The following DIRAS2 variants were observed in gnomAD, a reference collection of about 807,000 sequenced individuals.
DIRAS2 encodes DIRAS family GTPase 2.
Under a neutral mutation model 13.9 loss-of-function variants are expected in DIRAS2, and 5 were observed. The ratio of observed to expected loss-of-function variants is 0.36; its 90% CI spans 0.19 to 0.76. The LOEUF is 0.76. DIRAS2 is among the 30% of genes least tolerant of loss of function. The pLI, the probability that DIRAS2 is intolerant of heterozygous loss-of-function variation, is 0.53. For synonymous variants in DIRAS2, 111 were observed against 105.4 expected, an observed-to-expected ratio of 1.05 and a Z score of -0.33; for missense variants, 191 against 263.0, an observed-to-expected ratio of 0.73 and a Z score of 1.89.
chr9:90,623,492 C>T (rs1188225668), intron 1 of DIRAS2, among the ~76,000 whole-genome samples: 3 of 152,104 alleles, frequency 2.0e-5, no homozygotes, highest in Admixed American at 6.5e-5. Flanking sequence ...AAATCCATCC[C>T]AAAGTGCATA....
intron 1 of DIRAS2, among the ~76,000 whole-genome samples, chr9:90,642,397 C>T (rs372747153): frequency 1.4e-3 from 217 of 152,314 alleles, no homozygotes; most frequent in African/African-American, 4.9e-3. Flanking sequence ...TCACTTTAGA[C>T]CACATCTTCT....
At chr9:90,620,494 T>C (rs554686513) in intron 1 of DIRAS2, among the ~76,000 whole-genome samples, 1 of 152,200 alleles carries the variant, frequency 6.6e-6, no homozygotes, top group Non-Finnish European at 1.5e-5. Context: ...CGGTGGCTCA[T>C]GCCTGTAATC....
intron 1 of DIRAS2, among the ~76,000 whole-genome samples, chr9:90,638,938 G>A (rs1399067470): frequency 6.6e-6 from 1 of 152,128 alleles, no homozygotes; most frequent in Non-Finnish European, 1.5e-5. Flanking sequence ...CTCCTTCAAA[G>A]GCTCCTTTGT....
At chr9:90,631,607 C>T (rs1825325790) in intron 1 of DIRAS2, among the ~76,000 whole-genome samples, 1 of 152,114 alleles carries the variant, frequency 6.6e-6, no homozygotes, top group Non-Finnish European at 1.5e-5. Flanking sequence ...ATCACTGCAA[C>T]TAGCTCGCCC....
intron 1 of DIRAS2, among the ~76,000 whole-genome samples, chr9:90,625,190 G>A (rs75570171): frequency 0.015 from 2,347 of 152,272 alleles, 67 homozygotes; most frequent in African/African-American, 0.054. Context: ...CCAGTTATGA[G>A]GGCTTGATGC....
intron 1 of DIRAS2, among the ~76,000 whole-genome samples, chr9:90,638,017 C>A (rs1825386120): frequency 6.6e-6 from 1 of 152,134 alleles, no homozygotes; most frequent in Non-Finnish European, 1.5e-5. Flanking sequence ...TTTTAATTGT[C>A]TTCTGGACAG....
At position 90,635,623 on chromosome 9, in the gene DIRAS2, T is replaced by C. The variant is rs188342902; in HGVS notation, c.-37+7129A>G. On this transcript the variant is annotated intron_variant, in intron 1 of 1. Transcript: ENST00000375765. ...GAAAACATGGGTTATACTTACATCA[T>C]GGGATATTTAACTCATGATTTGGAT... Among the ~76,000 whole-genome samples, 13 of 152,286 alleles carry C rather than the reference T, an allele frequency of 8.5e-5. No individual in the cohort carries two copies. In the East Asian group the frequency reaches 1.3e-3, roughly 16 times the overall value.
chr9:90,640,749 T>A (rs999021209), intron 1 of DIRAS2, among the ~76,000 whole-genome samples: 1 of 152,202 alleles, frequency 6.6e-6, no homozygotes, highest in African/African-American at 2.4e-5. Context: ...ACACTTTTTT[T>A]ACTTAAAACA....
At chr9:90,614,013 C>T (rs1825142319) in intron 1 of DIRAS2, 150 bp from the exon 2 acceptor site, 1 of 837,354 alleles carries the variant, frequency 1.2e-6, no homozygotes, top group Non-Finnish European at 1.8e-6. Context: ...TTTGGTCAAT[C>T]CGCCGTTTTC....
At chr9:90,634,330 T>C (rs2118580327) in intron 1 of DIRAS2, among the ~76,000 whole-genome samples, 1 of 152,310 alleles carries the variant, frequency 6.6e-6, no homozygotes, top group South Asian at 2.1e-4. Flanking sequence ...AGTAAGGACC[T>C]AGGAGCCATT....
intron 1 of DIRAS2, among the ~76,000 whole-genome samples, chr9:90,640,867 T>A (rs1164484027): frequency 6.6e-6 from 1 of 152,224 alleles, no homozygotes; most frequent in Non-Finnish European, 1.5e-5. Context: ...TGATTTTGCA[T>A]AAATAAATAG....
chr9:90,629,566 T>C (rs1587724944), intron 1 of DIRAS2, among the ~76,000 whole-genome samples: 1 of 151,674 alleles, frequency 6.6e-6, no homozygotes, highest in Non-Finnish European at 1.5e-5. Flanking sequence ...AAAAAACCAA[T>C]ACAGTTGTTC....
At chr9:90,631,496 C>T (rs889980979) in intron 1 of DIRAS2, among the ~76,000 whole-genome samples, 4 of 152,092 alleles carry the variant, frequency 2.6e-5, no homozygotes, top group Non-Finnish European at 4.4e-5. Flanking sequence ...GGGTCAGGAG[C>T]GGAGGCAGGA....
At chr9:90,629,581 G>A (rs552331524) in intron 1 of DIRAS2, among the ~76,000 whole-genome samples, 4 of 151,318 alleles carry the variant, frequency 2.6e-5, no homozygotes, top group South Asian at 4.2e-4. Context: ...TTGTTCCTTT[G>A]TATCTGCGAG....
chr9:90,622,270 A>G (rs1825225837), intron 1 of DIRAS2, among the ~76,000 whole-genome samples: 1 of 145,192 alleles, frequency 6.9e-6, no homozygotes, highest in Non-Finnish European at 1.6e-5. Flanking sequence ...AAATAAATAC[A>G]TACATTCATA....
intron 1 of DIRAS2, among the ~76,000 whole-genome samples, chr9:90,616,997 G>A (rs561392131): frequency 6.6e-6 from 1 of 152,318 alleles, no homozygotes; most frequent in African/African-American, 2.4e-5. Context: ...CCCTCAGGAA[G>A]CATTTCACAG....
At chr9:90,618,399 A>G (rs1825189526) in intron 1 of DIRAS2, among the ~76,000 whole-genome samples, 1 of 152,226 alleles carries the variant, frequency 6.6e-6, no homozygotes, top group Admixed American at 6.5e-5. Context: ...CTCACACCAT[A>G]CACAAAACTG....
At chr9:90,627,187 C>T (rs958425215) in intron 1 of DIRAS2, among the ~76,000 whole-genome samples, 5 of 152,262 alleles carry the variant, frequency 3.3e-5, no homozygotes, top group Non-Finnish European at 5.9e-5. Context: ...GATTGTACGC[C>T]TCCTGAGGCC....
intron 1 of DIRAS2, among the ~76,000 whole-genome samples, chr9:90,625,645 C>G (rs1825261614): frequency 6.6e-6 from 1 of 152,190 alleles, no homozygotes; most frequent in African/African-American, 2.4e-5. Context: ...GAGTTTATTT[C>G]TGGACTTTCA....
Sources: allele counts gnomAD v4.1 joint callset (sites outside exome capture counted in the v4.1 genomes callset), GRCh38; gene constraint gnomAD v4.1.1; transcripts MANE v1.5; gene names NCBI Gene and HGNC (gene_info 2026-07-23, HGNC 2026-07-21).